The following ADCY3 variants were observed in gnomAD, a reference collection of about 807,000 sequenced individuals.
The protein encoded by ADCY3 is adenylate cyclase 3.
In ADCY3, 70 loss-of-function variants were observed where a neutral mutation model predicts 119.4. The observed-to-expected ratio is 0.59, with a 90% CI of 0.48 to 0.72. ADCY3 has a LOEUF of 0.72. Among genes scored for constraint, ADCY3 ranks in the 30% least tolerant of loss-of-function variants. The pLI is 0.00. For synonymous variants in ADCY3, 672 were observed against 621.4 expected (o/e 1.08, Z -1.21); for missense variants, 1,238 against 1,541.6 (o/e 0.80, Z 3.30).
intron 3 of ADCY3, among the ~76,000 whole-genome samples, chr2:24,864,134 AG>A (rs1476503650): frequency 6.6e-6 from 1 of 152,106 alleles, no homozygotes; most frequent in East Asian, 1.9e-4. Flanking sequence ...TAAAAATACA[AG>A]AAAAATTAGC....
rs1030203060 is a variant in ADCY3, at chr2:24,899,101, C to G, written c.675+19212G>C. On this transcript the variant is annotated intron_variant, in intron 2 of 21. Transcript: ENST00000679454. This position sits in a 1 kb window ranked among gnomAD's most constrained non-coding sequence, Gnocchi z 4.5. ...TCCCACCTTTTCCCAGCTCACCTGT[C>G]TCTACCTCTGCTCCCTAGGCAGAGC... 6.6e-6 allele frequency among the ~76,000 whole-genome samples: 1 copy of G among 152,160 alleles called. No homozygotes were observed. The highest frequency in any genetic ancestry group is 2.4e-5 in the African/African-American group (1 of 41,438).
At chr2:24,917,026 C>A (rs1258316774) in intron 2 of ADCY3, among the ~76,000 whole-genome samples, 4 of 152,248 alleles carry the variant, frequency 2.6e-5, no homozygotes, top group African/African-American at 9.6e-5. Context: ...GGGCTAGATG[C>A]CCTGCCAGGC....
chr2:24,836,728 T>C (rs1670371296), intron 9 of ADCY3, among the ~76,000 whole-genome samples, 189 bp downstream of exon 9: 1 of 152,192 alleles, frequency 6.6e-6, no homozygotes, highest in Non-Finnish European at 1.5e-5. Context: ...ATGTAACTGA[T>C]GAGGAGACAG....
intron 3 of ADCY3, among the ~76,000 whole-genome samples, chr2:24,843,522 G>A (rs148569656): frequency 1.6e-3 from 241 of 152,346 alleles, no homozygotes; most frequent in Middle Eastern, 3.4e-3. Context: ...CTCATTTGTT[G>A]ATATATTGTC....
Position 24,825,344 on chromosome 2 carries a change from G to T in ADCY3, c.2577+701C>A, listed in dbSNP as rs1440892376. 3.4e-3 allele frequency among the ~76,000 whole-genome samples: 66 copies of T among 19,688 alleles called. 11 individuals carry two copies. Among genetic ancestry groups the T allele is most frequent in the Non-Finnish European group, 9.4e-3 (56 of 5,968 alleles). 12.9% of individuals were successfully genotyped at this position (19,688 alleles called of 152,430 possible). A position where few individuals can be genotyped will look rare whatever the true frequency, so the allele number is the denominator to read the frequency against. On this transcript the variant is annotated intron_variant, in intron 16 of 21. Coordinates refer to ENST00000679454, the MANE Select transcript of ADCY3 (RefSeq NM_004036.5). ...GTGCGGTGGTTGTGGCGGGGGGGGG[G>T]GGGGTGCGGGGGGGGTGTCTCACTT... is the stretch of plus-strand genomic sequence containing the variant.
At chr2:24,858,914 G>C (rs866441259) in intron 3 of ADCY3, among the ~76,000 whole-genome samples, 1 of 152,158 alleles carries the variant, frequency 6.6e-6, no homozygotes, top group Non-Finnish European at 1.5e-5. Context: ...TTTTCTATGG[G>C]TTCATCATCT....
chr2:24,842,519 A>G lies in ADCY3; in HGVS notation c.826-135T>C. 1 of 1,198,774 alleles carries G rather than the reference A, an allele frequency of 8.3e-7. No homozygotes were observed. The highest frequency in any genetic ancestry group is 1.2e-6 in the Non-Finnish European group (1 of 859,824). 74.3% of individuals were successfully genotyped at this position (1,198,774 alleles called of 1,614,324 possible). On this transcript the variant is annotated intron_variant, in intron 3 of 21. Transcript: ENST00000679454. The surrounding 1 kb of genome is among the most constrained non-coding windows in gnomAD (Gnocchi z 4.9). Reference sequence around the variant, plus strand: ...CCATGCTGCCCTCCAGAGAGACCTCACAGATCTGCCTCGGGAGCAGCCAGG... The same window carrying G: ...CCATGCTGCCCTCCAGAGAGACCTCGCAGATCTGCCTCGGGAGCAGCCAGG...
At position 24,828,065 on chromosome 2, in the gene ADCY3, C is replaced by G. The variant is rs1388589922; in HGVS notation, c.2269G>C (p.Val757Leu). The G allele has an allele frequency of 1.9e-6, 3 of 1,614,238 alleles. No individual in the cohort carries two copies. The East Asian group carries it at 6.7e-5, about 36-fold the overall frequency. The change falls in exon 14 of 22, where the codon GTG becomes CTG. Residue 757 changes from valine to leucine, a missense_variant. Physicochemically the swap from Val to Leu is conservative, Grantham distance 32 (BLOSUM62 1). Coordinates refer to ENST00000679454, the MANE Select transcript of ADCY3 (RefSeq NM_004036.5). ...CLENPKYYNY[V>L]AVLSLIATIM... Reference sequence around the variant, plus strand: ...GTGGCGATGAGGGACAGCACGGCCACATAGTTGTAATACTTGGGGTTCTCC... The same window carrying G: ...GTGGCGATGAGGGACAGCACGGCCAGATAGTTGTAATACTTGGGGTTCTCC...
At chr2:24,887,696 T>C (rs1677217044) in intron 2 of ADCY3, among the ~76,000 whole-genome samples, 1 of 152,076 alleles carries the variant, frequency 6.6e-6, no homozygotes, top group Admixed American at 6.6e-5. Context: ...CGGTGAAGAA[T>C]GCAGCTCCAA....
intron 3 of ADCY3, among the ~76,000 whole-genome samples, chr2:24,857,078 C>T (rs540242424): frequency 1.3e-5 from 2 of 152,326 alleles, no homozygotes; most frequent in South Asian, 4.1e-4. Flanking sequence ...AGCCACCAGG[C>T]CATGTCATCT....
intron 2 of ADCY3, among the ~76,000 whole-genome samples, chr2:24,917,956 C>G (rs1014942381): frequency 2.0e-5 from 3 of 152,210 alleles, no homozygotes; most frequent in Non-Finnish European, 2.9e-5. Flanking sequence ...TCAAGGAGCC[C>G]TCTTCCCAAG....
chr2:24,846,058 C>T (rs1359941824), intron 3 of ADCY3, among the ~76,000 whole-genome samples: 1 of 152,250 alleles, frequency 6.6e-6, no homozygotes. Flanking sequence ...ATGGTAATGC[C>T]TGGATGTCCA....
chr2:24,821,047 A>ACC lies in ADCY3; in HGVS notation c.3128-201_3128-200dup, dbSNP rs3214642. The stretch of plus-strand genomic sequence containing the variant: ...GTGTGCTTGTTAGGTGTCAGCCGCC[A>ACC]CCCCCCCCCCATATGCAGATTTACT... On this transcript the variant is annotated intron_variant, in intron 20 of 21. Coordinates refer to ENST00000679454, the MANE Select transcript of ADCY3 (RefSeq NM_004036.5). 1.1e-3 allele frequency: 612 copies of ACC among 533,358 alleles called. 2 individuals are homozygous for ACC. The highest frequency in any genetic ancestry group is 0.011 in the African/African-American group (499 of 45,500). 33.0% of individuals were successfully genotyped at this position (533,358 alleles called of 1,614,324 possible). A position where few individuals can be genotyped will look rare whatever the true frequency, so the allele number is the denominator to read the frequency against.
chr2:24,830,667 G>T, intron 13 of ADCY3, 42 bp downstream of exon 13: 1 of 1,517,514 alleles, frequency 6.6e-7, no homozygotes, highest in Non-Finnish European at 9.1e-7. Context: ...CTTCTCCACT[G>T]AGAACAGGGG....
At chr2:24,908,893 C>T (rs1168892732) in intron 2 of ADCY3, among the ~76,000 whole-genome samples, 1 of 100,238 alleles carries the variant, frequency 1.0e-5, no homozygotes, top group East Asian at 2.1e-4. Context: ...ATGCTGAGGG[C>T]CCCCCCGACA....
Position 24,872,294 on chromosome 2 carries a change from T to C in ADCY3, c.825+276A>G, listed in dbSNP as rs1357871380. 6.6e-6 allele frequency among the ~76,000 whole-genome samples: 1 copy of C among 152,182 alleles called. No individual in the cohort carries two copies. Among genetic ancestry groups the C allele is most frequent in the Non-Finnish European group, 1.5e-5 (1 of 68,034 alleles). On this transcript the variant is annotated intron_variant, in intron 3 of 21. Coordinates refer to ENST00000679454, the MANE Select transcript of ADCY3 (RefSeq NM_004036.5). The surrounding 1 kb of genome is among the most constrained non-coding windows in gnomAD (Gnocchi z 4.4). Reference sequence around the variant, plus strand: ...TGCATTTCTTGAAAGGGAAAAGTTTTACATTACGAAAACAAAACAAAGAGC... The same window carrying C: ...TGCATTTCTTGAAAGGGAAAAGTTTCACATTACGAAAACAAAACAAAGAGC...
chr2:24,870,141 G>A (rs1232986104), intron 3 of ADCY3, among the ~76,000 whole-genome samples: 1 of 146,414 alleles, frequency 6.8e-6, no homozygotes, highest in Non-Finnish European at 1.5e-5. Flanking sequence ...GTGAAACCCC[G>A]TCTCCACTAA....
At chr2:24,897,505 A>C (rs1678419621) in intron 2 of ADCY3, among the ~76,000 whole-genome samples, 1 of 152,058 alleles carries the variant, frequency 6.6e-6, no homozygotes, top group African/African-American at 2.4e-5. Context: ...CTCTCTCTGA[A>C]ATCTCCCCAG....
At chr2:24,870,583 T>C (rs1674870766) in intron 3 of ADCY3, among the ~76,000 whole-genome samples, 1 of 152,106 alleles carries the variant, frequency 6.6e-6, no homozygotes, top group South Asian at 2.1e-4. Flanking sequence ...CTGGGGCCAA[T>C]GTCTGCTCTG....
Sources: gnomAD v4.1 joint callset for allele counts (sites outside exome capture counted in the v4.1 genomes callset) on GRCh38, gnomAD v4.1.1 for gene constraint, Gnocchi (gnomAD v3.1) non-coding constraint, MANE v1.5 for transcripts, NCBI Gene and HGNC (gene_info 2026-07-23, HGNC 2026-07-21) for gene names.